Variants in ATRX observed in about 807,000 individuals in gnomAD.
ATRX encodes the protein ATRX chromatin remodeler.
A neutral mutation model predicts 172.6 loss-of-function variants in ATRX; 12 were observed. The ratio of observed to expected loss-of-function variants is 0.07; its 90% CI spans 0.04 to 0.11. The LOEUF is 0.11. Among genes scored for constraint, ATRX ranks in the 10% least tolerant of loss-of-function variants. The pLI, the probability that ATRX is intolerant of heterozygous loss-of-function variation, is 1.00. For synonymous variants in ATRX, 674 were observed against 594.7 expected (o/e 1.13, Z -1.94); for missense variants, 1,368 against 1,767.4 (o/e 0.77, Z 4.05).
chrX:77,786,038 C>T lies in ATRX; in HGVS notation c.-37G>A, dbSNP rs2076737309. 1 of 1,180,352 alleles carries T rather than the reference C, an allele frequency of 8.5e-7. No individual in the cohort carries two copies. Among genetic ancestry groups the T allele is most frequent in the Non-Finnish European group, 1.1e-6 (1 of 878,998 alleles). On this transcript the variant is annotated 5_prime_UTR_variant, in exon 1 of 35. Transcript: ENST00000373344. ...AACGCCTTGTCGGCTTCTGTGATTG[C>T]TGGGCGCCGATCTGCGCTCCCCCGC...
intron 27 of ATRX, chrX:77,575,510 G>T (rs1254798669): frequency 9.0e-6 from 1 of 110,917 alleles, no homozygotes; most frequent in Non-Finnish European, 1.9e-5. Flanking sequence ...ATAAATGAAT[G>T]GAAAATGATA....
intron 6 of ATRX, among the ~76,000 whole-genome samples, chrX:77,691,810 T>C (rs1344885751): frequency 4.5e-5 from 5 of 111,942 alleles, no homozygotes; most frequent in African/African-American, 1.3e-4. Flanking sequence ...AATTTATCTA[T>C]ATATGTGTAT....
chrX:77,563,491 C>T (rs1409883815), intron 28 of ATRX, among the ~76,000 whole-genome samples: 1 of 111,648 alleles, frequency 9.0e-6, no homozygotes, highest in Admixed American at 9.5e-5. Context: ...AAGTTTTTGC[C>T]CATTTTTCTA....
rs1557140738 is a variant in ATRX, at chrX:77,683,446, C to G, written c.1810G>C (p.Asp604His). 3 of 1,210,362 alleles carry G rather than the reference C, an allele frequency of 2.5e-6. No homozygotes were observed. The Admixed American group carries it at 6.5e-5, about 26-fold the overall frequency. The change falls in exon 9 of 35, where the codon GAT becomes CAT. Residue 604 changes from aspartate (D) to histidine (H), a missense_variant. By Grantham distance (81) the Asp-to-His change is moderately conservative. Transcript: ENST00000373344. ...SLSNSPIKGA[D>H]CQEVPQDKDG... ...TTATCTTGTGGAACTTCCTGACAAT[C>G]AGCACCTTTAATTGGGGAATTAGAA...
rs192854843 is a variant in ATRX, at chrX:77,720,430, C to T, written c.21-3187G>A. Among the ~76,000 whole-genome samples, 10 of 109,995 alleles carry T rather than the reference C, an allele frequency of 9.1e-5. No individual in the cohort carries two copies. The East Asian group carries it at 2.3e-3, about 25-fold the overall frequency. ...AAGATCAACAAAACAGACCACTATC[C>T]GGACTAATAAAGAACAAAAGAGAGA... is the stretch of plus-strand genomic sequence containing the variant. On this transcript the variant is annotated intron_variant, in intron 1 of 34. Coordinates refer to ENST00000373344, the MANE Select transcript of ATRX (RefSeq NM_000489.6).
intron 1 of ATRX, among the ~76,000 whole-genome samples, chrX:77,746,026 A>G (rs2075057149): frequency 8.9e-6 from 1 of 111,874 alleles, no homozygotes; most frequent in South Asian, 3.7e-4. Flanking sequence ...GGTTGCAGAG[A>G]AAAGGGAACA....
intron 15 of ATRX, among the ~76,000 whole-genome samples, chrX:77,643,486 T>C (rs782333927): frequency 9.0e-6 from 1 of 111,215 alleles, no homozygotes; most frequent in African/African-American, 3.3e-5. Context: ...CTGGGTTGAA[T>C]TGATCCAGCC....
intron 30 of ATRX, among the ~76,000 whole-genome samples, chrX:77,541,769 C>T (rs1557050944): frequency 9.0e-6 from 1 of 111,712 alleles, no homozygotes; most frequent in East Asian, 2.8e-4. Flanking sequence ...AGTCAACAAC[C>T]CTTCATGATA....
At chrX:77,671,191 T>TATATATATAC (rs2070590473) in intron 10 of ATRX, among the ~76,000 whole-genome samples, 1 of 85,179 alleles carries the variant, frequency 1.2e-5, no homozygotes, top group East Asian at 3.5e-4. Flanking sequence ...TATATATATA[T>TATATATATAC]ATATAAAACT....
At chrX:77,561,138 G>A in intron 28 of ATRX, among the ~76,000 whole-genome samples, 1 of 110,725 alleles carries the variant, frequency 9.0e-6, no homozygotes, top group Middle Eastern at 4.7e-3. Flanking sequence ...TCATTACAGA[G>A]AATAAACTGT....
At chrX:77,520,329 A>T (rs1469471818) in intron 34 of ATRX, among the ~76,000 whole-genome samples, 2 of 111,954 alleles carry the variant, frequency 1.8e-5, no homozygotes, top group Non-Finnish European at 3.8e-5. Flanking sequence ...TTGTAACACA[A>T]AGAAAGGATA....
chrX:77,555,749 A>C (rs1033231238), intron 30 of ATRX, among the ~76,000 whole-genome samples: 8 of 110,815 alleles, frequency 7.2e-5, no homozygotes, highest in African/African-American at 2.6e-4. Context: ...ACAAATACCT[A>C]ATGTATGCAG....
intron 28 of ATRX, among the ~76,000 whole-genome samples, chrX:77,562,890 G>C (rs1472210958): frequency 8.9e-6 from 1 of 111,956 alleles, no homozygotes; most frequent in East Asian, 2.8e-4. Context: ...CTTTTCATAT[G>C]CTTATTTGAC....
intron 22 of ATRX, among the ~76,000 whole-genome samples, chrX:77,603,531 A>AT (rs2066765628): frequency 2.1e-4 from 14 of 66,086 alleles, no homozygotes; most frequent in Non-Finnish European, 4.0e-4. Context: ...ATGCTCGGCT[A>AT]ATTTTTTTTT....
chrX:77,549,200 C>T (rs1175523462), intron 30 of ATRX, among the ~76,000 whole-genome samples: 1 of 111,171 alleles, frequency 9.0e-6, no homozygotes, highest in African/African-American at 3.3e-5. Flanking sequence ...GCCTGGCCAA[C>T]ATGGAGAAAG....
At chrX:77,568,683 G>A (rs1032117542) in intron 28 of ATRX, among the ~76,000 whole-genome samples, 1 of 111,509 alleles carries the variant, frequency 9.0e-6, no homozygotes, top group Non-Finnish European at 1.9e-5. Context: ...ATATATAAGA[G>A]TAACTCTCAT....
chrX:77,541,590 C>T (rs2063997031), intron 30 of ATRX, among the ~76,000 whole-genome samples: 1 of 111,856 alleles, frequency 8.9e-6, no homozygotes, highest in Admixed American at 9.5e-5. Context: ...CAAACCGAAT[C>T]CAGCAGCACA....
intron 30 of ATRX, among the ~76,000 whole-genome samples, chrX:77,532,331 A>G (rs1557046696): frequency 8.9e-6 from 1 of 111,864 alleles, no homozygotes; most frequent in Non-Finnish European, 1.9e-5. Context: ...CAAATAGCCA[A>G]TGAATCCTAA....
chrX:77,583,736 A>G (rs782018819), intron 27 of ATRX, among the ~76,000 whole-genome samples: 90 of 112,017 alleles, frequency 8.0e-4, no homozygotes, highest in African/African-American at 2.8e-3. Flanking sequence ...GATCAAGAAC[A>G]TGACAAGGAT....
Sources: allele counts gnomAD v4.1 joint callset (sites outside exome capture counted in the v4.1 genomes callset), GRCh38; gene constraint gnomAD v4.1.1; transcripts MANE v1.5; gene names NCBI Gene and HGNC (gene_info 2026-07-23, HGNC 2026-07-21).